The following SLC9C1 variants were observed in gnomAD, a reference collection of about 807,000 sequenced individuals.
SLC9C1 encodes solute carrier family 9 member C1, also known as sodium/hydrogen exchanger 10.
A neutral mutation model predicts 140.9 loss-of-function variants in SLC9C1; 97 were observed. The observed-to-expected ratio is 0.69, with a 90% CI of 0.58 to 0.82. The LOEUF (loss-of-function observed/expected upper bound fraction) is 0.82, where lower values mean the gene tolerates loss of function less well. Among genes scored for constraint, SLC9C1 ranks in the 40% least tolerant of loss-of-function variants. SLC9C1 has a pLI of 0.00. For synonymous variants in SLC9C1, 440 were observed against 442.6 expected (o/e 0.99, Z 0.07); for missense variants, 1,340 against 1,389.3 (o/e 0.96, Z 0.56).
intron 20 of SLC9C1, among the ~76,000 whole-genome samples, chr3:112,198,793 A>G (rs1306625620): frequency 6.6e-6 from 1 of 151,772 alleles, no homozygotes; most frequent in African/African-American, 2.4e-5. Context: ...TTGTATGTGT[A>G]TTTACAAGTA....
chr3:112,190,954 C>G (rs2077647303), intron 20 of SLC9C1, among the ~76,000 whole-genome samples: 1 of 146,002 alleles, frequency 6.8e-6, no homozygotes, highest in Non-Finnish European at 1.5e-5. Flanking sequence ...CACACACACA[C>G]ACACACACAC....
intron 10 of SLC9C1, among the ~76,000 whole-genome samples, chr3:112,249,396 T>G (rs2079385203): frequency 6.6e-6 from 1 of 151,828 alleles, no homozygotes; most frequent in Non-Finnish European, 1.5e-5. Context: ...TTCAAGGATA[T>G]TGGCCCGAAG....
intron 10 of SLC9C1, among the ~76,000 whole-genome samples, chr3:112,246,377 T>C (rs2079284878): frequency 6.6e-6 from 1 of 152,176 alleles, no homozygotes; most frequent in Non-Finnish European, 1.5e-5. Flanking sequence ...AAAAACTATA[T>C]TAAAAAAACA....
chr3:112,252,592 T>C (rs1203139634), intron 10 of SLC9C1, among the ~76,000 whole-genome samples: 2 of 152,024 alleles, frequency 1.3e-5, no homozygotes, highest in East Asian at 3.9e-4. Context: ...GATATCCTGA[T>C]TGGGGTCTCC....
intron 13 of SLC9C1, 74 bp downstream of exon 13, chr3:112,231,287 A>T (rs1314135573): frequency 2.6e-5 from 41 of 1,554,978 alleles, no homozygotes; most frequent in Non-Finnish European, 3.5e-5. Flanking sequence ...CATGATCAAG[A>T]TGTCTTTATA....
chr3:112,221,249 A>T, intron 13 of SLC9C1, 24 bp from the exon 14 acceptor site: 2 of 1,579,092 alleles, frequency 1.3e-6, no homozygotes, highest in Admixed American at 3.4e-5. Context: ...AATTCAAGTC[A>T]TTATATAGCA....
At chr3:112,198,478 C>T (rs1264304262) in intron 20 of SLC9C1, among the ~76,000 whole-genome samples, 3 of 151,630 alleles carry the variant, frequency 2.0e-5, no homozygotes, top group Non-Finnish European at 2.9e-5. Context: ...TGCCACTTGT[C>T]GTTCTTCTTT....
At chr3:112,288,786 A>C (rs2080594943) in intron 1 of SLC9C1, among the ~76,000 whole-genome samples, 1 of 152,072 alleles carries the variant, frequency 6.6e-6, no homozygotes, top group African/African-American at 2.4e-5. Context: ...ATCTGCGGTC[A>C]GACTACTTGC....
intron 12 of SLC9C1, among the ~76,000 whole-genome samples, chr3:112,235,401 A>G (rs1373313810): frequency 6.6e-6 from 1 of 151,082 alleles, no homozygotes; most frequent in Non-Finnish European, 1.5e-5. Flanking sequence ...TTCTAAATAT[A>G]CAATCATGTC....
intron 20 of SLC9C1, chr3:112,185,558 A>G (rs1453382692): frequency 4.3e-6 from 7 of 1,612,892 alleles, no homozygotes; most frequent in Non-Finnish European, 5.9e-6. Flanking sequence ...TCCGCAGCAC[A>G]CACACTGTGG....
At chr3:112,170,763 AT>A (rs1406080550) in intron 23 of SLC9C1, among the ~76,000 whole-genome samples, 3 of 152,184 alleles carry the variant, frequency 2.0e-5, no homozygotes, top group Non-Finnish European at 4.4e-5. Context: ...ATTGGATTTT[AT>A]TTCTCTTGGG....
intron 1 of SLC9C1, among the ~76,000 whole-genome samples, chr3:112,288,180 A>G (rs1559757627): frequency 6.6e-6 from 1 of 150,994 alleles, no homozygotes; most frequent in Non-Finnish European, 1.5e-5. Flanking sequence ...ATGTTTTCTT[A>G]TGTCTTCCTT....
At chr3:112,148,903 T>C (rs772808718) in intron 28 of SLC9C1, among the ~76,000 whole-genome samples, 4 of 150,474 alleles carry the variant, frequency 2.7e-5, no homozygotes, top group Non-Finnish European at 4.4e-5. Context: ...GGGCATGGAG[T>C]TGGGAAACCT....
chr3:112,203,849 A>G (rs1052396008), intron 17 of SLC9C1, among the ~76,000 whole-genome samples: 1 of 151,936 alleles, frequency 6.6e-6, no homozygotes, highest in Admixed American at 6.6e-5. Flanking sequence ...CTTTGTCCCT[A>G]TAAATAGTTT....
At chr3:112,162,412 A>T (rs199873594) in intron 26 of SLC9C1, among the ~76,000 whole-genome samples, 1 of 152,134 alleles carries the variant, frequency 6.6e-6, no homozygotes, top group Admixed American at 6.5e-5. Context: ...TGGGTTTGTC[A>T]TAGATAGCTC....
At chr3:112,281,036 T>C (rs533314977) in intron 2 of SLC9C1, among the ~76,000 whole-genome samples, 4 of 152,354 alleles carry the variant, frequency 2.6e-5, no homozygotes, top group East Asian at 1.9e-4. Flanking sequence ...CTAGCAATTA[T>C]TGGCTCTTGG....
chr3:112,283,615 A>C (rs1016082846), intron 2 of SLC9C1, among the ~76,000 whole-genome samples: 1 of 152,180 alleles, frequency 6.6e-6, no homozygotes, highest in African/African-American at 2.4e-5. Context: ...AGGCTTTGAC[A>C]GTAGTTAACT....
chr3:112,223,530 A>G (rs1560089664), intron 13 of SLC9C1, among the ~76,000 whole-genome samples: 1 of 151,410 alleles, frequency 6.6e-6, no homozygotes, highest in Non-Finnish European at 1.5e-5. Context: ...ATCATTTGTA[A>G]GGTAAAATTA....
intron 1 of SLC9C1, among the ~76,000 whole-genome samples, chr3:112,292,733 C>T (rs904382658): frequency 1.0e-4 from 15 of 150,610 alleles, no homozygotes; most frequent in South Asian, 2.1e-4. Context: ...TTAGTAGAGA[C>T]GGGGTTTCAC....
Sources: gnomAD v4.1 joint callset for allele counts (sites outside exome capture counted in the v4.1 genomes callset) on GRCh38, gnomAD v4.1.1 for gene constraint, MANE v1.5 for transcripts, NCBI Gene and HGNC (gene_info 2026-07-23, HGNC 2026-07-21) for gene names.